The following ADGRL2 variants were observed in gnomAD, a reference collection of about 807,000 sequenced individuals.
The protein encoded by ADGRL2 is adhesion G protein-coupled receptor L2, also known as calcium-independent alpha-latrotoxin receptor 2.
In ADGRL2, 44 loss-of-function variants were observed where a neutral mutation model predicts 157.4. The observed-to-expected ratio is 0.28, with a 90% CI of 0.22 to 0.36. The LOEUF (loss-of-function observed/expected upper bound fraction) is 0.36, where lower values mean the gene tolerates loss of function less well. ADGRL2 is among the 10% of genes least tolerant of loss of function. The pLI, the probability that ADGRL2 is intolerant of heterozygous loss-of-function variation, is 1.00. For synonymous variants in ADGRL2, 585 were observed against 624.7 expected (o/e 0.94, Z 0.95); for missense variants, 1,510 against 1,768.9 (o/e 0.85, Z 2.63).
At chr1:81,500,564 C>T (rs2078824360) in intron 2 of ADGRL2, among the ~76,000 whole-genome samples, 1 of 152,154 alleles carries the variant, frequency 6.6e-6, no homozygotes, top group African/African-American at 2.4e-5. Flanking sequence ...ACAAATACTG[C>T]AGGATCTCAC....
chr1:81,782,356 G>A (rs146395309), intron 2 of ADGRL2, among the ~76,000 whole-genome samples: 25 of 152,128 alleles, frequency 1.6e-4, no homozygotes, highest in African/African-American at 5.8e-4. Flanking sequence ...GAAGTCAATC[G>A]TATTATTTTA....
intron 2 of ADGRL2, among the ~76,000 whole-genome samples, chr1:81,887,420 GTGGGT>G (rs2094150950): frequency 6.6e-6 from 1 of 152,184 alleles, no homozygotes; most frequent in African/African-American, 2.4e-5. Context: ...ACAGTATTTA[GTGGGT>G]TACAATCATC....
chr1:81,564,556 A>C lies in ADGRL2; in HGVS notation c.-247-16320A>C, dbSNP rs539280156. ...TTAGGGCAAACCAGAGAATGGCATT[A>C]GATTCCATCAAGATGAGCAAGGAAG... is the stretch of plus-strand genomic sequence containing the variant. On this transcript the variant is annotated intron_variant, in intron 2 of 24. Coordinates refer to the ADGRL2 transcript ENST00000370721. Among the ~76,000 whole-genome samples the C allele has an allele frequency of 2.5e-4, 38 of 152,330 alleles. No homozygotes were observed. In the South Asian group the frequency reaches 5.2e-3, roughly 21 times the overall value.
chr1:81,340,366 A>C (rs1280201983), intron 1 of ADGRL2, among the ~76,000 whole-genome samples: 1 of 152,202 alleles, frequency 6.6e-6, no homozygotes, highest in Non-Finnish European at 1.5e-5. Context: ...TTGAAGAGTC[A>C]AAATCCTTTG....
chr1:81,308,242 T>C (rs772831762), intron 1 of ADGRL2, among the ~76,000 whole-genome samples: 8 of 152,174 alleles, frequency 5.3e-5, no homozygotes, highest in Non-Finnish European at 1.0e-4. Context: ...ATTGAATTTA[T>C]CTATTTGAGC....
At chr1:81,434,968 G>A (rs760438209) in intron 1 of ADGRL2, among the ~76,000 whole-genome samples, 14 of 152,020 alleles carry the variant, frequency 9.2e-5, no homozygotes, top group Non-Finnish European at 1.9e-4. Flanking sequence ...GCTGACAAAG[G>A]GTTTCAACAA....
chr1:81,711,869 C>T (rs1200937429), intron 1 of ADGRL2, among the ~76,000 whole-genome samples: 1 of 152,064 alleles, frequency 6.6e-6, no homozygotes, highest in Non-Finnish European at 1.5e-5. Context: ...TCTAGAGATT[C>T]AAAGGTTAAG....
intron 3 of ADGRL2, among the ~76,000 whole-genome samples, chr1:81,686,831 G>T (rs193246687): frequency 1.4e-3 from 213 of 152,216 alleles, no homozygotes; most frequent in Non-Finnish European, 6.3e-4. Context: ...TTGATAAGTT[G>T]TATCATAATT....
At chr1:81,515,595 T>C (rs987955567) in intron 2 of ADGRL2, among the ~76,000 whole-genome samples, 1 of 152,234 alleles carries the variant, frequency 6.6e-6, no homozygotes. Context: ...GTTTTCATTA[T>C]TCTTGTTTTC....
chr1:81,972,619 T>C (rs1659067295), intron 17 of ADGRL2, among the ~76,000 whole-genome samples: 1 of 152,054 alleles, frequency 6.6e-6, no homozygotes, highest in South Asian at 2.1e-4. Context: ...TATTTAAAAC[T>C]TTCACTCAGG....
rs1474749596 is a variant in ADGRL2, at chr1:81,966,567, A to G, written c.2307A>G (p.Val769=). 1 of 1,614,126 alleles carries G rather than the reference A, an allele frequency of 6.2e-7. No individual in the cohort carries two copies. The highest frequency in any genetic ancestry group is 1.7e-5 in the Admixed American group (1 of 60,020). ...CAATCAATAAAGAGTCCAGCCGAGT[A>G]TACCTGACTGATCCTGTGCTTTTTA... ...SVSINKESSR[V]YLTDPVLFTL... is the part of the protein sequence containing the mutation. The change falls in exon 13 of 24, where the codon GTA becomes GTG. Residue 769 remains valine (V), a synonymous_variant. Coordinates refer to ENST00000686636, the MANE Select transcript of ADGRL2 (RefSeq NM_001366006.2).
intron 2 of ADGRL2, among the ~76,000 whole-genome samples, chr1:81,776,618 T>C (rs1361161768): frequency 1.3e-5 from 2 of 152,266 alleles, no homozygotes; most frequent in Non-Finnish European, 2.9e-5. Flanking sequence ...TAAATATTTC[T>C]AGTGTTTTTA....
chr1:81,402,682 T>C (rs944951509), intron 1 of ADGRL2, among the ~76,000 whole-genome samples: 1 of 152,200 alleles, frequency 6.6e-6, no homozygotes. Context: ...TTTCCTATTG[T>C]CTTCCATTTT....
intron 1 of ADGRL2, among the ~76,000 whole-genome samples, chr1:81,390,924 T>A (rs564543227): frequency 6.6e-6 from 1 of 152,424 alleles, no homozygotes; most frequent in East Asian, 1.9e-4. Context: ...TTTGAGTATA[T>A]GTGGGAACTG....
chr1:81,677,197 C>T (rs937867768), intron 3 of ADGRL2, among the ~76,000 whole-genome samples: 1 of 152,078 alleles, frequency 6.6e-6, no homozygotes, highest in Non-Finnish European at 1.5e-5. Flanking sequence ...ATTGTCCAGG[C>T]GGGTTTCAAA....
At chr1:81,924,717 C>G (rs977951590) in intron 3 of ADGRL2, among the ~76,000 whole-genome samples, 1 of 152,026 alleles carries the variant, frequency 6.6e-6, no homozygotes, top group Non-Finnish European at 1.5e-5. Flanking sequence ...GAGGAGAGAT[C>G]AAGTGGATTT....
chr1:81,584,547 T>C (rs1255412950), intron 3 of ADGRL2, among the ~76,000 whole-genome samples: 1 of 152,190 alleles, frequency 6.6e-6, no homozygotes, highest in Non-Finnish European at 1.5e-5. Context: ...GAATTGTTTT[T>C]GTAAGATGTA....
chr1:81,702,232 T>C (rs979329906), intron 1 of ADGRL2, among the ~76,000 whole-genome samples: 11 of 152,150 alleles, frequency 7.2e-5, no homozygotes, highest in Non-Finnish European at 1.0e-4. Context: ...ATGGGGCACT[T>C]TACACCATTG....
rs12042327 is a variant in ADGRL2 at position 81,383,357 on chromosome 1, C to T, written c.-301-61679C>T. On this transcript the variant is annotated intron_variant, in intron 1 of 24. Transcript: ENST00000370721. ...CATTGATAGATTGAACAGGTAAAAACGGCTTTCATGTTGTAAGTATTCCAT... is the reference window on the plus strand; with the variant it reads ...CATTGATAGATTGAACAGGTAAAAATGGCTTTCATGTTGTAAGTATTCCAT... 6.4e-3 allele frequency among the ~76,000 whole-genome samples: 979 copies of T among 152,020 alleles called. 24 individuals carry two copies. The highest frequency in any genetic ancestry group is 0.063 in the East Asian group (325 of 5,158).
Sources: gnomAD v4.1 joint callset for allele counts (sites outside exome capture counted in the v4.1 genomes callset) on GRCh38, gnomAD v4.1.1 for gene constraint, MANE v1.5 for transcripts, NCBI Gene and HGNC (gene_info 2026-07-23, HGNC 2026-07-21) for gene names.